The following MSANTD5 variants were observed in gnomAD, a reference collection of about 807,000 sequenced individuals.
MSANTD5 encodes the protein uncharacterized protein MSANTD5.
upstream of MSANTD5, among the ~76,000 whole-genome samples, chr5:178,700,018 G>C (rs1451954063): frequency 2.0e-5 from 3 of 152,166 alleles, no homozygotes; most frequent in African/African-American, 4.8e-5. Context: ...CGGGCTCCAG[G>C]CTTCTCCCAT....
chr5:178,707,359 G>A, the MSANTD5 span, among the ~76,000 whole-genome samples: 1 of 151,884 alleles, frequency 6.6e-6, no homozygotes, highest in Non-Finnish European at 1.5e-5. Context: ...ATGCAGAAAC[G>A]CAGAATATGG....
upstream of MSANTD5, among the ~76,000 whole-genome samples, chr5:178,699,431 C>CTT (rs1765453385): frequency 1.2e-5 from 1 of 83,588 alleles, no homozygotes; most frequent in East Asian, 4.4e-4. Context: ...ATTTTCTTTC[C>CTT]TTCTTTTTTT....
At chr5:178,692,307 G>C (rs1765365567), downstream of MSANTD5, among the ~76,000 whole-genome samples, 1 of 150,638 alleles carries the variant, frequency 6.6e-6, no homozygotes, top group African/African-American at 2.5e-5. Flanking sequence ...TTGAAACCCA[G>C]GGACAGAGGT....
chr5:178,692,437 TG>T, downstream of MSANTD5, among the ~76,000 whole-genome samples: 1 of 151,896 alleles, frequency 6.6e-6, no homozygotes, highest in East Asian at 1.9e-4. Context: ...ATTGTACCCC[TG>T]GGTATTTATC....
chr5:178,697,376 C>G (rs758290623), intron 1 of MSANTD5, among the ~76,000 whole-genome samples: 100 of 152,108 alleles, frequency 6.6e-4, no homozygotes, highest in Non-Finnish European at 1.1e-3. Flanking sequence ...ATGGCCTGAA[C>G]CCGGGAGGCG....
downstream of MSANTD5, among the ~76,000 whole-genome samples, chr5:178,692,490 G>A (rs986200252): frequency 5.3e-5 from 8 of 151,998 alleles, no homozygotes; most frequent in African/African-American, 1.9e-4. Flanking sequence ...GTATCTGGAG[G>A]ATTATAACAG....
chr5:178,702,305 T>C (rs531811719), upstream of MSANTD5, among the ~76,000 whole-genome samples: 1 of 144,548 alleles, frequency 6.9e-6, no homozygotes, highest in South Asian at 2.1e-4. Context: ...TTTTTTCTTT[T>C]TTTTTTTTTT....
chr5:178,694,621 A>C (rs1485520928), exon 4 of MSANTD5: 1 of 152,240 alleles, frequency 6.6e-6, no homozygotes, highest in East Asian at 1.9e-4. Context: ...GAGAGGAAGG[A>C]GTCATTCACT....
chr5:178,705,963 AAAC>A, the MSANTD5 span, among the ~76,000 whole-genome samples: 1 of 152,156 alleles, frequency 6.6e-6, no homozygotes, highest in African/African-American at 2.4e-5. Context: ...TCTCAAAACA[AAAC>A]AAAAAAAGAG....
At chr5:178,695,407 C>T (rs1005539781) in exon 3 of MSANTD5, 2 of 152,208 alleles carry the variant, frequency 1.3e-5, no homozygotes, top group Non-Finnish European at 2.9e-5. Flanking sequence ...AAGTATAAGT[C>T]CTGCAAGCTT....
the MSANTD5 span, among the ~76,000 whole-genome samples, chr5:178,704,830 A>C: frequency 6.6e-6 from 1 of 152,164 alleles, no homozygotes. Flanking sequence ...GAGAGCAGAG[A>C]GAGAACTTCC....
downstream of MSANTD5, among the ~76,000 whole-genome samples, chr5:178,692,376 T>A (rs1435408192): frequency 9.5e-6 from 1 of 105,746 alleles, no homozygotes; most frequent in East Asian, 2.9e-4. Context: ...CAAGACTCCA[T>A]CTCAAAAAAA....
chr5:178,705,684 T>C, the MSANTD5 span, among the ~76,000 whole-genome samples: 280 of 152,150 alleles, frequency 1.8e-3, 1 homozygote, highest in African/African-American at 6.2e-3. Flanking sequence ...TGGCTGGGCA[T>C]GGTGGCTCAC....
the MSANTD5 span, among the ~76,000 whole-genome samples, chr5:178,704,415 TGAA>T: frequency 6.6e-6 from 1 of 152,180 alleles, no homozygotes; most frequent in Non-Finnish European, 1.5e-5. Context: ...CTTCACCACC[TGAA>T]GAAGGAGCTA....
At chr5:178,697,001 A>G (rs1765419578) in intron 1 of MSANTD5, among the ~76,000 whole-genome samples, 1 of 152,158 alleles carries the variant, frequency 6.6e-6, no homozygotes, top group Non-Finnish European at 1.5e-5. Flanking sequence ...GCCTAGTCCA[A>G]GGGGCTTTGA....
At chr5:178,701,967 A>G (rs1235964011), upstream of MSANTD5, among the ~76,000 whole-genome samples, 8 of 150,910 alleles carry the variant, frequency 5.3e-5, no homozygotes, top group Non-Finnish European at 1.0e-4. Flanking sequence ...TTCCGACCTC[A>G]GGTGATCCAC....
upstream of MSANTD5, chr5:178,697,755 G>A (rs1174586440): frequency 6.6e-6 from 1 of 152,176 alleles, no homozygotes; most frequent in Non-Finnish European, 1.5e-5. Flanking sequence ...GGCTTCTGGA[G>A]GTCTCTGAAG....
chr5:178,699,175 G>A (rs539245896), upstream of MSANTD5, among the ~76,000 whole-genome samples: 3 of 152,002 alleles, frequency 2.0e-5, no homozygotes, highest in Admixed American at 6.5e-5. Context: ...CCCCAGGCTC[G>A]AGCCCTCTGT....
the MSANTD5 span, among the ~76,000 whole-genome samples, chr5:178,706,586 T>C: frequency 3.3e-5 from 5 of 151,808 alleles, no homozygotes; most frequent in Admixed American, 2.0e-4. Flanking sequence ...TCCAATCTAC[T>C]GGAATCCTCA....
Sources: gnomAD v4.1 joint callset for allele counts (sites outside exome capture counted in the v4.1 genomes callset) on GRCh38, gnomAD v4.1.1 for gene constraint, MANE v1.5 for transcripts, NCBI Gene and HGNC (gene_info 2026-07-23, HGNC 2026-07-21) for gene names.